GCSAML: variants seen among roughly 807,000 people sequenced by gnomAD.
GCSAML encodes the protein germinal center-associated signaling and motility-like protein.
Under a neutral mutation model 13.0 loss-of-function variants are expected in GCSAML, and 9 were observed. The ratio of observed to expected loss-of-function variants is 0.69; its 90% CI spans 0.42 to 1.21. GCSAML has a LOEUF of 1.21. Among genes scored for constraint, GCSAML ranks in the 50% most tolerant of loss-of-function variants. The pLI, the probability that GCSAML is intolerant of heterozygous loss-of-function variation, is 0.00. For synonymous variants in GCSAML, 37 were observed against 52.9 expected, an observed-to-expected ratio of 0.70 and a Z score of 1.31; for missense variants, 143 against 153.4, an observed-to-expected ratio of 0.93 and a Z score of 0.36.
intron 4 of GCSAML, among the ~76,000 whole-genome samples, chr1:247,573,673 G>T (rs1668718543): frequency 6.6e-6 from 1 of 152,128 alleles, no homozygotes. Flanking sequence ...TGGCTAAACA[G>T]GCTCTTTTTT....
intron 2 of GCSAML, chr1:247,533,679 A>C (rs74809911): frequency 2.6e-5 from 4 of 152,234 alleles, no homozygotes; most frequent in Non-Finnish European, 4.4e-5. Context: ...TCATATTTCT[A>C]CATGGCTGTC....
chr1:247,512,776 C>A (rs1449859431), intron 1 of GCSAML, among the ~76,000 whole-genome samples: 2 of 152,130 alleles, frequency 1.3e-5, no homozygotes, highest in African/African-American at 4.8e-5. Flanking sequence ...TCCTCTATTG[C>A]AGATCTGCTG....
At chr1:247,516,390 T>A (rs1170902265) in intron 1 of GCSAML, among the ~76,000 whole-genome samples, 11 of 152,198 alleles carry the variant, frequency 7.2e-5, no homozygotes, top group Non-Finnish European at 2.9e-5. Context: ...AGTAAATGAT[T>A]CCTTGTGTCC....
At chr1:247,552,225 A>G (rs1471920073) in intron 1 of GCSAML, among the ~76,000 whole-genome samples, 1 of 152,206 alleles carries the variant, frequency 6.6e-6, no homozygotes, top group Non-Finnish European at 1.5e-5. Context: ...GAGCCCCAAC[A>G]AAGAGATGGT....
At chr1:247,561,648 G>C (rs962679273) in intron 2 of GCSAML, among the ~76,000 whole-genome samples, 3 of 151,456 alleles carry the variant, frequency 2.0e-5, no homozygotes, top group African/African-American at 7.3e-5. Flanking sequence ...ATTTATTATT[G>C]TTAATAACTA....
intron 1 of GCSAML, among the ~76,000 whole-genome samples, chr1:247,511,938 C>A (rs1435030183): frequency 6.6e-6 from 1 of 152,166 alleles, no homozygotes; most frequent in Non-Finnish European, 1.5e-5. Flanking sequence ...CTGCCCTTAA[C>A]ATTTTTTCCT....
At chr1:247,523,764 A>G (rs1204640803) in intron 1 of GCSAML, among the ~76,000 whole-genome samples, 1 of 152,208 alleles carries the variant, frequency 6.6e-6, no homozygotes, top group Non-Finnish European at 1.5e-5. Context: ...GCCTTGTTCT[A>G]CTAGATGACA....
chr1:247,554,444 CAT>C (rs1667889665), intron 1 of GCSAML, among the ~76,000 whole-genome samples: 1 of 152,060 alleles, frequency 6.6e-6, no homozygotes, highest in African/African-American at 2.4e-5. Context: ...GGTTCCCTAT[CAT>C]ATTTATTTTT....
intron 1 of GCSAML, among the ~76,000 whole-genome samples, chr1:247,512,255 G>A (rs1666066664): frequency 6.6e-6 from 1 of 151,366 alleles, no homozygotes. Context: ...ATTTCATTAT[G>A]CCGATCTTCA....
At position 247,574,188 on chromosome 1, in the gene GCSAML, A is replaced by G. The variant is rs1379738530; in HGVS notation, c.214A>G (p.Ile72Val). 2.5e-6 allele frequency: 4 copies of G among 1,613,964 alleles called. No homozygotes were observed. The highest frequency in any genetic ancestry group is 2.7e-5 in the African/African-American group (2 of 74,940). The change falls in exon 5 of 5, where the codon ATT (isoleucine) becomes GTT (valine). Residue 72 changes from isoleucine to valine, a missense_variant. By Grantham distance (29) the Ile-to-Val change is conservative. Transcript: ENST00000366488. ...TTCTGAAGAAGTGTGCTACACTGTC[A>G]TTAATCACATCCCCCATCAGAGATC... ...SGSEEVCYTV[I>V]NHIPHQRSSL...
Position 247,577,534 on chromosome 1 carries a change from T to A in GCSAML, c.*3152T>A, listed in dbSNP as rs534353898. The A allele has an allele frequency of 2.0e-5, 3 of 152,230 alleles. No homozygotes were observed. Among genetic ancestry groups the A allele is most frequent in the Admixed American group, 1.3e-4 (2 of 15,268 alleles). The allele number at this position is 152,230 out of a possible 1,614,324, so 9.4% of individuals were successfully genotyped here. ...TTTTGAGATTCATCTATGTTTAATG[T>A]TCTATCAGTAGTTGTACATCTTACT... On this transcript the variant is annotated 3_prime_UTR_variant, in exon 5 of 5. Transcript: ENST00000366488.
chr1:247,509,985 A>G (rs529638909), intron 1 of GCSAML, among the ~76,000 whole-genome samples: 1 of 152,036 alleles, frequency 6.6e-6, no homozygotes, highest in Non-Finnish European at 1.5e-5. Flanking sequence ...TGTCTCTGTG[A>G]GGTTATGGTA....
chr1:247,510,366 T>C (rs1445100005), intron 1 of GCSAML, among the ~76,000 whole-genome samples: 1 of 151,668 alleles, frequency 6.6e-6, no homozygotes, highest in Non-Finnish European at 1.5e-5. Context: ...CTTTATCATT[T>C]TTTATTGTGT....
chr1:247,550,373 C>T (rs1466408419), intron 1 of GCSAML, among the ~76,000 whole-genome samples: 3 of 152,256 alleles, frequency 2.0e-5, no homozygotes, highest in Non-Finnish European at 2.9e-5. Context: ...CACGGTGGCT[C>T]ATGTCTGTAA....
chr1:247,549,327 G>A, intron 1 of GCSAML, 107 bp downstream of exon 1: 2 of 984,146 alleles, frequency 2.0e-6, no homozygotes, highest in Non-Finnish European at 3.1e-6. Context: ...CTTCTAGAAG[G>A]TTAAGCCTGA....
At chr1:247,557,456 A>C (rs540025219) in intron 2 of GCSAML, among the ~76,000 whole-genome samples, 1 of 152,328 alleles carries the variant, frequency 6.6e-6, no homozygotes, top group South Asian at 2.1e-4. Flanking sequence ...GGTTAACTGT[A>C]GGCTTTTCGT....
At chr1:247,546,435 T>G (rs889363978), upstream of GCSAML, among the ~76,000 whole-genome samples, 1 of 152,128 alleles carries the variant, frequency 6.6e-6, no homozygotes, top group African/African-American at 2.4e-5. Flanking sequence ...CTCGGCTCAC[T>G]GCAAACTCCG....
intron 1 of GCSAML, among the ~76,000 whole-genome samples, chr1:247,511,399 T>G (rs1666031514): frequency 6.6e-6 from 1 of 152,140 alleles, no homozygotes; most frequent in Non-Finnish European, 1.5e-5. Flanking sequence ...TATTTTGAGC[T>G]TATGTGTGTC....
intron 1 of GCSAML, among the ~76,000 whole-genome samples, chr1:247,551,452 A>G (rs901988385): frequency 1.3e-5 from 2 of 152,220 alleles, no homozygotes; most frequent in African/African-American, 4.8e-5. Flanking sequence ...GCACGTAGAA[A>G]GTGGTAAGCA....
Sources: allele counts gnomAD v4.1 joint callset (sites outside exome capture counted in the v4.1 genomes callset), GRCh38; gene constraint gnomAD v4.1.1; transcripts MANE v1.5; gene names NCBI Gene and HGNC (gene_info 2026-07-23, HGNC 2026-07-21).